MANBAL: variants seen among roughly 807,000 people sequenced by gnomAD.
MANBAL encodes the protein protein MANBAL.
A neutral mutation model predicts 6.4 loss-of-function variants in MANBAL; 1 was observed. The observed-to-expected ratio is 0.16, with a 90% confidence interval of 0.06 to 0.74. The LOEUF is 0.74. Among genes scored for constraint, MANBAL ranks in the 30% least tolerant of loss-of-function variants. The pLI is 0.78. For missense variants in MANBAL, 100 were observed against 107.8 expected, an observed-to-expected ratio of 0.93 and a Z score of 0.32; for synonymous variants, 47 against 45.8, an observed-to-expected ratio of 1.03 and a Z score of -0.10.
chr20:37,307,324 CTT>C (rs1323362462), intron 2 of MANBAL, among the ~76,000 whole-genome samples: 1 of 152,116 alleles, frequency 6.6e-6, no homozygotes, highest in Non-Finnish European at 1.5e-5. Context: ...CTACTCAAGT[CTT>C]TAGATAATTT....
At chr20:37,298,598 CTGAG>C (rs1568599479) in intron 1 of MANBAL, among the ~76,000 whole-genome samples, 1 of 152,288 alleles carries the variant, frequency 6.6e-6, no homozygotes, top group South Asian at 2.1e-4. Flanking sequence ...TCCTTTATGG[CTGAG>C]TAATACTCCA....
chr20:37,292,594 G>T (rs543208852), intron 1 of MANBAL, among the ~76,000 whole-genome samples: 9 of 152,176 alleles, frequency 5.9e-5, no homozygotes, highest in African/African-American at 9.7e-5. Context: ...GATTACAGGC[G>T]TGAGCCACCA....
In MANBAL at chr20:37,316,424, G is replaced by A. The variant is rs550915323; in HGVS notation, c.*9G>A. On this transcript the variant is annotated 3_prime_UTR_variant, in exon 3 of 3. Coordinates refer to ENST00000373606, the MANE Select transcript of MANBAL (RefSeq NM_001003897.2). ...CTAAGAAGAAGCGGTAGAAGAGGAGGCCTGAGGAGCTGGGCGGGCAGGGAG... is the reference window on the plus strand; with the variant it reads ...CTAAGAAGAAGCGGTAGAAGAGGAGACCTGAGGAGCTGGGCGGGCAGGGAG... The A allele has an allele frequency of 1.2e-6, 2 of 1,605,400 alleles. No homozygotes were observed. The highest frequency in any genetic ancestry group is 1.1e-5 in the South Asian group (1 of 90,820).
intron 1 of MANBAL, among the ~76,000 whole-genome samples, chr20:37,300,696 C>T (rs2069113800): frequency 1.3e-5 from 2 of 152,168 alleles, no homozygotes; most frequent in Admixed American, 1.3e-4. Context: ...ATTTATTTTT[C>T]TCAACTTTAT....
chr20:37,311,779 G>A (rs181132231), intron 2 of MANBAL, among the ~76,000 whole-genome samples: 2 of 152,236 alleles, frequency 1.3e-5, no homozygotes, highest in Admixed American at 6.5e-5. Flanking sequence ...GAGCCACCGC[G>A]CCCGGCCTGT....
intron 1 of MANBAL, among the ~76,000 whole-genome samples, chr20:37,298,412 C>G (rs950730892): frequency 1.3e-5 from 2 of 152,148 alleles, no homozygotes; most frequent in Non-Finnish European, 2.9e-5. Context: ...TCCCTCCAGC[C>G]CTTGGTAACC....
intron 2 of MANBAL, among the ~76,000 whole-genome samples, chr20:37,310,550 A>G (rs2069362581): frequency 6.6e-6 from 1 of 152,254 alleles, no homozygotes; most frequent in African/African-American, 2.4e-5. Context: ...CCTGATTTAC[A>G]GGACTAAATC....
rs61317146 is a variant in MANBAL at position 37,305,679 on chromosome 20, C to CTT, written c.150+4282_150+4283dup. Among the ~76,000 whole-genome samples the CTT allele has an allele frequency of 2.7e-4, 37 of 137,126 alleles. 1 individual carries two copies. The highest frequency in any genetic ancestry group is 4.5e-4 in the Non-Finnish European group (28 of 62,808). 90.0% of individuals were successfully genotyped at this position (137,126 alleles called of 152,430 possible). ...TCATAACTGAAGCTTACTGTTTTAA[C>CTT]TTTTTTTTTTTTTTTTTAGCTTTTC... On this transcript the variant is annotated intron_variant, in intron 2 of 2. Transcript: ENST00000373606.
At chr20:37,294,672 C>T (rs1004449492) in intron 1 of MANBAL, among the ~76,000 whole-genome samples, 3 of 152,200 alleles carry the variant, frequency 2.0e-5, no homozygotes, top group African/African-American at 4.8e-5. Flanking sequence ...GTTGAAATGT[C>T]ACCTTTGCAG....
intron 1 of MANBAL, among the ~76,000 whole-genome samples, chr20:37,296,330 C>G (rs2068996660): frequency 6.6e-6 from 1 of 152,162 alleles, no homozygotes; most frequent in Admixed American, 6.5e-5. Context: ...TCATAACATT[C>G]CAAAAAATTA....
At chr20:37,293,275 C>T (rs943297912) in intron 1 of MANBAL, among the ~76,000 whole-genome samples, 1 of 152,132 alleles carries the variant, frequency 6.6e-6, no homozygotes, top group African/African-American at 2.4e-5. Flanking sequence ...TCAGTGGGAG[C>T]CCTGAGCTTG....
In MANBAL at chr20:37,293,488, G is replaced by A. The variant is rs6094248; in HGVS notation, c.-57+3802G>A. Among the ~76,000 whole-genome samples the A allele has an allele frequency of 4.7e-3, 720 of 152,198 alleles. 6 individuals are homozygous for A. Among genetic ancestry groups the A allele is most frequent in the African/African-American group, 0.017 (691 of 41,534 alleles). On this transcript the variant is annotated intron_variant, in intron 1 of 2. Transcript: ENST00000373606. ...GACGGTAATGTGAGTGATGGGGAGC[G>A]GCTGTAAATATAAAAGAAACTTCGC...
Position 37,301,313 on chromosome 20 carries a change from T to C in MANBAL, c.50T>C (p.Phe17Ser), listed in dbSNP as rs1680601780. ...FSPPEVPEPT[F>S]LENLLRYGLF... Reference sequence around the variant, plus strand: ...CCTCCGGAGGTGCCCGAGCCCACTTTCCTGGAGAACCTGCTACGGTACGGA... The same window carrying C: ...CCTCCGGAGGTGCCCGAGCCCACTTCCCTGGAGAACCTGCTACGGTACGGA... Residue 17 changes from phenylalanine to serine, a missense_variant, in exon 2 of 3, where the codon TTC (phenylalanine) becomes TCC (serine). Physicochemically the swap from Phe to Ser is radical, Grantham distance 155. Transcript: ENST00000373606. 2.5e-6 allele frequency: 4 copies of C among 1,612,530 alleles called. No homozygotes were observed. Among genetic ancestry groups the C allele is most frequent in the African/African-American group, 1.3e-5 (1 of 74,878 alleles).
rs781093781 is a variant in MANBAL at position 37,316,456 on chromosome 20, T to C, written c.*41T>C. 5 of 1,559,688 alleles carry C rather than the reference T, an allele frequency of 3.2e-6. No individual in the cohort carries two copies. In the South Asian group the frequency reaches 4.5e-5, roughly 14 times the overall value. ...GAGCTGGGCGGGCAGGGAGAGGGTC[T>C]TGGGGACAGCCCTCCTGGGAATCTA... is the stretch of plus-strand genomic sequence containing the variant. On this transcript the variant is annotated 3_prime_UTR_variant, in exon 3 of 3. Transcript: ENST00000373606.
chr20:37,301,270 T>C lies in MANBAL; in HGVS notation c.7T>C (p.Ser3Pro), dbSNP rs369783780. Residue 3 changes from serine to proline, a missense_variant, in exon 2 of 3, where the codon TCT (serine) becomes CCT (proline). Transcript: ENST00000373606. MA[S>P]DLDFSPPEVP... is the part of the protein sequence containing the mutation. ...GCAGCAAGCGACTTGGGCCATGGCC[T>C]CTGACCTAGACTTCTCACCTCCGGA... is the stretch of plus-strand genomic sequence containing the variant. 6.3e-7 allele frequency: 1 copy of C among 1,598,244 alleles called. No homozygotes were observed. The highest frequency in any genetic ancestry group is 8.5e-7 in the Non-Finnish European group (1 of 1,170,136).
chr20:37,309,504 C>T (rs1006680960), intron 2 of MANBAL, among the ~76,000 whole-genome samples: 3 of 152,128 alleles, frequency 2.0e-5, no homozygotes, highest in Non-Finnish European at 4.4e-5. Flanking sequence ...GACAGACAGC[C>T]GGTGGCCAGC....
At chr20:37,291,275 T>C (rs553561864) in intron 1 of MANBAL, among the ~76,000 whole-genome samples, 2 of 152,152 alleles carry the variant, frequency 1.3e-5, no homozygotes, top group Non-Finnish European at 2.9e-5. Flanking sequence ...CCCCTATTAC[T>C]AATATCTGAA....
At chr20:37,295,019 G>A (rs2068961167) in intron 1 of MANBAL, among the ~76,000 whole-genome samples, 1 of 152,192 alleles carries the variant, frequency 6.6e-6, no homozygotes, top group African/African-American at 2.4e-5. Context: ...AAAGTCCCCT[G>A]GTGTATAAAA....
chr20:37,294,282 T>G (rs973706081), intron 1 of MANBAL, among the ~76,000 whole-genome samples: 1 of 152,208 alleles, frequency 6.6e-6, no homozygotes, highest in Non-Finnish European at 1.5e-5. Context: ...TTCACCAAAA[T>G]ATATCTGTAA....
Sources: allele counts gnomAD v4.1 joint callset (sites outside exome capture counted in the v4.1 genomes callset), GRCh38; gene constraint gnomAD v4.1.1; transcripts MANE v1.5; gene names NCBI Gene and HGNC (gene_info 2026-07-23, HGNC 2026-07-21).